The following DHCR7 variants were observed in gnomAD, a reference collection of about 807,000 sequenced individuals.
DHCR7 encodes 7-DHC reductase.
A neutral mutation model predicts 43.3 loss-of-function variants in DHCR7; 40 were observed. That is an observed-to-expected ratio of 0.92 (90% CI 0.72 to 1.20). DHCR7 has a LOEUF of 1.20. Among genes scored for constraint, DHCR7 ranks in the 50% most tolerant of loss-of-function variants. The pLI is 0.00. For missense variants in DHCR7, 608 were observed against 644.6 expected, an observed-to-expected ratio of 0.94 and a Z score of 0.62; for synonymous variants, 298 against 271.4, an observed-to-expected ratio of 1.10 and a Z score of -0.96.
At chr11:71,436,871 GAC>G (rs1265782887) in intron 8 of DHCR7, among the ~76,000 whole-genome samples, 4 of 152,212 alleles carry the variant, frequency 2.6e-5, no homozygotes, top group Non-Finnish European at 2.9e-5. Flanking sequence ...TACATCTCGA[GAC>G]ACACACAGAG....
intron 2 of DHCR7, among the ~76,000 whole-genome samples, chr11:71,446,595 C>T (rs540432420): frequency 6.6e-6 from 1 of 152,352 alleles, no homozygotes; most frequent in East Asian, 1.9e-4. Context: ...AGTATTTCTT[C>T]TGAAGCCTTT....
At position 71,441,410 on chromosome 11, in the gene DHCR7, A is replaced by G. The variant is rs1401635626; in HGVS notation, c.443T>C (p.Leu148Pro). 1.2e-6 allele frequency: 2 copies of G among 1,613,878 alleles called. No homozygotes were observed. The highest frequency in any genetic ancestry group is 1.7e-6 in the Non-Finnish European group (2 of 1,179,872). ...GVVNKYQING[L>P]QAWLLTHLLW... ...CAGGTGCGTGAGGAGCCAGGCTTGC[A>G]GGCCATTGATCTGATACTTGTTCAC... is the stretch of plus-strand genomic sequence containing the variant. The change falls in exon 6 of 9, where the codon CTG (leucine) becomes CCG (proline). Residue 148 changes from leucine (L) to proline (P), a missense_variant. Coordinates refer to ENST00000355527, the MANE Select transcript of DHCR7 (RefSeq NM_001360.3).
intron 4 of DHCR7, among the ~76,000 whole-genome samples, chr11:71,442,576 C>G (rs539734787): frequency 6.6e-6 from 1 of 152,150 alleles, no homozygotes; most frequent in African/African-American, 2.4e-5. Flanking sequence ...GGGCTCCATT[C>G]GCCCCTCAGG....
intron 8 of DHCR7, 28 bp from the exon 9 acceptor site, chr11:71,435,867 C>T (rs746110554): frequency 1.9e-5 from 30 of 1,573,384 alleles, no homozygotes; most frequent in Non-Finnish European, 2.5e-5. Flanking sequence ...AGGGGTCAAG[C>T]GGTGCTTTGC....
intron 2 of DHCR7, among the ~76,000 whole-genome samples, 180 bp from the exon 3 acceptor site, chr11:71,445,138 T>TC (rs1305367496): frequency 1.2e-4 from 19 of 152,222 alleles, no homozygotes; most frequent in African/African-American, 4.6e-4. Context: ...TAGACTCTCT[T>TC]CCTTGGACCC....
chr11:71,442,528 C>T (rs780740417), intron 4 of DHCR7, among the ~76,000 whole-genome samples, 175 bp from the exon 5 acceptor site: 90 of 152,274 alleles, frequency 5.9e-4, no homozygotes, highest in Non-Finnish European at 9.7e-4. Context: ...AGACAATAAA[C>T]TCATCAACCA....
intron 5 of DHCR7, among the ~76,000 whole-genome samples, chr11:71,441,723 C>A (rs1393119713): frequency 6.6e-6 from 1 of 152,138 alleles, no homozygotes; most frequent in African/African-American, 2.4e-5. Flanking sequence ...ATAGGGAGGT[C>A]AGGGCTGAGG....
At chr11:71,428,795 C>A (rs1271758515) in exon 3 of DHCR7, 1 of 455,606 alleles carries the variant, frequency 2.2e-6, no homozygotes, top group East Asian at 6.9e-5. Flanking sequence ...ATCTCCAAGT[C>A]TTAAAGGGAA....
rs151230950 is a variant in DHCR7 at position 71,435,256 on chromosome 11, C to T, written c.*119G>A. The T allele has an allele frequency of 0.011, 11,811 of 1,085,190 alleles. 114 individuals carry two copies. Among genetic ancestry groups the T allele is most frequent in the Middle Eastern group, 0.015 (76 of 5,078 alleles). 67.2% of individuals were successfully genotyped at this position (1,085,190 alleles called of 1,614,324 possible). On this transcript the variant is annotated 3_prime_UTR_variant, in exon 9 of 9. Coordinates refer to ENST00000355527, the MANE Select transcript of DHCR7 (RefSeq NM_001360.3). ...GGACACCTGCCAAGTGCTGGGCTCT[C>T]TCCAGTTTACAGATGAGGAAACTGA...
downstream of DHCR7, among the ~76,000 whole-genome samples, chr11:71,432,596 T>C (rs1377787639): frequency 6.6e-6 from 1 of 152,238 alleles, no homozygotes; most frequent in African/African-American, 2.4e-5. Context: ...TTTTGAAATA[T>C]ATAATACATT....
intron 5 of DHCR7, 46 bp downstream of exon 5, chr11:71,442,217 A>G: frequency 7.1e-7 from 1 of 1,408,690 alleles, no homozygotes; most frequent in South Asian, 1.2e-5. Flanking sequence ...CCTGAGAGAA[A>G]GGGATGAGAA....
rs1057516973 is a variant in DHCR7, at chr11:71,437,811, C to T, written c.963+1G>A. The T allele has an allele frequency of 6.2e-6, 10 of 1,613,846 alleles. No homozygotes were observed. Among genetic ancestry groups the T allele is most frequent in the Non-Finnish European group, 8.5e-6 (10 of 1,180,006 alleles). On this transcript the variant is annotated splice_donor_variant, in intron 8 of 8. Transcript: ENST00000355527. LOFTEE classifies it high-confidence loss of function. ...TGGGCCAGCTCTGCCCACCTCCTCA[C>T]CTGCAGCGTGTAAAGATAAGGCAGC... is the stretch of plus-strand genomic sequence containing the variant.
chr11:71,436,076 C>T, intron 8 of DHCR7: 1 of 560,484 alleles, frequency 1.8e-6, no homozygotes, highest in Non-Finnish European at 3.2e-6. Context: ...TGTATATATA[C>T]CCCCTATATA....
rs1374206333 is a variant in DHCR7 at position 71,434,832 on chromosome 11, C to T, written c.*543G>A. On this transcript the variant is annotated 3_prime_UTR_variant, in exon 9 of 9. Transcript: ENST00000355527. ...AAACGACATGAAAGCCCCTTTCTCCCCAGTGTCCCAGTTCAACACCGTGCA... is the reference window on the plus strand; with the variant it reads ...AAACGACATGAAAGCCCCTTTCTCCTCAGTGTCCCAGTTCAACACCGTGCA... 1 of 322,028 alleles carries T rather than the reference C, an allele frequency of 3.1e-6. No homozygotes were observed. The highest frequency in any genetic ancestry group is 8.4e-5 in the East Asian group (1 of 11,902). The allele number at this position is 322,028 out of a possible 1,614,324, so 19.9% of individuals were successfully genotyped here.
chr11:71,440,282 C>T (rs1253890975), intron 6 of DHCR7, among the ~76,000 whole-genome samples: 6 of 152,138 alleles, frequency 3.9e-5, no homozygotes, highest in Middle Eastern at 3.4e-3. Flanking sequence ...TCCTTCCCCT[C>T]GGCACATGCC....
Position 71,437,885 on chromosome 11 carries a change from A to G in DHCR7, c.890T>C (p.Ile297Thr). Residue 297 changes from isoleucine to threonine, a missense_variant, in exon 8 of 9, where the codon ATC becomes ACC. Physicochemically the swap from Ile to Thr is moderately conservative, Grantham distance 89. Coordinates refer to ENST00000355527, the MANE Select transcript of DHCR7 (RefSeq NM_001360.3). ...NETWYLKTID[I>T]CHDHFGWYLG... ...GTACCACCCGAAGTGGTCATGGCAGATGTCAATGGTCTTCAGGTACCAGGT... is the reference window on the plus strand; with the variant it reads ...GTACCACCCGAAGTGGTCATGGCAGGTGTCAATGGTCTTCAGGTACCAGGT... 1 of 1,613,990 alleles carries G rather than the reference A, an allele frequency of 6.2e-7. No homozygotes were observed. Among genetic ancestry groups the G allele is most frequent in the Non-Finnish European group, 8.5e-7 (1 of 1,180,024 alleles).
intron 2 of DHCR7, chr11:71,428,990 T>G: frequency 2.7e-6 from 1 of 376,158 alleles, no homozygotes; most frequent in Middle Eastern, 3.7e-4. Context: ...CCAAGTGTGC[T>G]CAGGGGTAGG....
intron 8 of DHCR7, 150 bp from the exon 9 acceptor site, chr11:71,435,989 C>A: frequency 1.4e-6 from 1 of 693,514 alleles, no homozygotes. Context: ...AATAAAAGCA[C>A]CAACCTTGAG....
At chr11:71,438,070 C>T in intron 7 of DHCR7, 127 bp from the exon 8 acceptor site, 1 of 1,114,748 alleles carries the variant, frequency 9.0e-7, no homozygotes, top group Non-Finnish European at 1.3e-6. Context: ...TTCCTCAATG[C>T]TGGGGCTGTT....
Sources: allele counts gnomAD v4.1 joint callset (sites outside exome capture counted in the v4.1 genomes callset), GRCh38; gene constraint gnomAD v4.1.1; transcripts MANE v1.5; gene names NCBI Gene and HGNC (gene_info 2026-07-23, HGNC 2026-07-21).